AGTPBP1: variants seen among roughly 807,000 people sequenced by gnomAD.
AGTPBP1 encodes the protein cytosolic carboxypeptidase 1.
A neutral mutation model predicts 143.9 loss-of-function variants in AGTPBP1; 70 were observed. The observed-to-expected ratio is 0.49, with a 90% confidence interval of 0.40 to 0.59. AGTPBP1 has a LOEUF of 0.59. AGTPBP1 is among the 20% of genes least tolerant of loss of function. The pLI is 0.00. For missense variants in AGTPBP1, 1,229 were observed against 1,464.5 expected, an observed-to-expected ratio of 0.84 and a Z score of 2.62; for synonymous variants, 463 against 500.2, an observed-to-expected ratio of 0.93 and a Z score of 0.99.
chr9:85,764,694 G>A, the AGTPBP1 span: 1 of 1,016,134 alleles, frequency 9.8e-7, no homozygotes, highest in Non-Finnish European at 1.6e-6. Flanking sequence ...TGTCTGGTGG[G>A]TTGTATCTTT....
intron 9 of AGTPBP1, among the ~76,000 whole-genome samples, chr9:85,659,067 C>G (rs2113737): frequency 6.6e-6 from 1 of 151,682 alleles, no homozygotes; most frequent in Non-Finnish European, 1.5e-5. Flanking sequence ...TCCCAATAGC[C>G]TAAATGGAAT....
chr9:85,652,200 T>C (rs1833205025), intron 11 of AGTPBP1, among the ~76,000 whole-genome samples: 1 of 152,076 alleles, frequency 6.6e-6, no homozygotes, highest in African/African-American at 2.4e-5. Context: ...ATAAAAACCC[T>C]AAACAATGGT....
chr9:85,601,217 C>T (rs554530080), intron 17 of AGTPBP1, among the ~76,000 whole-genome samples: 6 of 152,196 alleles, frequency 3.9e-5, no homozygotes, highest in Non-Finnish European at 7.4e-5. Context: ...CATTTGCAAG[C>T]GCCCTGGGGG....
At chr9:85,737,177 TTAA>T (rs1340854640) in intron 1 of AGTPBP1, among the ~76,000 whole-genome samples, 7 of 152,206 alleles carry the variant, frequency 4.6e-5, no homozygotes, top group Admixed American at 4.6e-4. Flanking sequence ...GTAAAAATTA[TTAA>T]TTTTTATGCA....
chr9:85,697,201 T>C lies in AGTPBP1; in HGVS notation c.33-4388A>G, dbSNP rs189107202. Among the ~76,000 whole-genome samples the C allele has an allele frequency of 4.7e-3, 721 of 152,288 alleles. 1 individual carries two copies. The highest frequency in any genetic ancestry group is 0.014 in the Middle Eastern group (4 of 294). On this transcript the variant is annotated intron_variant, in intron 2 of 25. Transcript: ENST00000357081. ...ACACACAAAAAAATGTATGTGTATA[T>C]ATATTTACACATAACATGTAAACTC...
chr9:85,594,123 C>T (rs1380680410), intron 18 of AGTPBP1, among the ~76,000 whole-genome samples: 1 of 152,146 alleles, frequency 6.6e-6, no homozygotes, highest in Non-Finnish European at 1.5e-5. Flanking sequence ...AAAAGTTTAA[C>T]ATTTAATTGG....
Position 85,679,840 on chromosome 9 carries a change from T to C in AGTPBP1, c.225+1428A>G, listed in dbSNP as rs1017535352. Among the ~76,000 whole-genome samples, 4 of 152,348 alleles carry C rather than the reference T, an allele frequency of 2.6e-5. No homozygotes were observed. In the South Asian group the frequency reaches 8.3e-4, roughly 32 times the overall value. ...TATAGTTGAATCTATCAATCTTTTATAGTTTCTATTTCTTCATACTTAAAA... is the reference window on the plus strand; with the variant it reads ...TATAGTTGAATCTATCAATCTTTTACAGTTTCTATTTCTTCATACTTAAAA... On this transcript the variant is annotated intron_variant, in intron 4 of 25. Transcript: ENST00000357081.
At chr9:85,656,481 T>C (rs1375364746) in intron 10 of AGTPBP1, among the ~76,000 whole-genome samples, 1 of 152,128 alleles carries the variant, frequency 6.6e-6, no homozygotes, top group Non-Finnish European at 1.5e-5. Context: ...TGTTCAGATA[T>C]CTCAACTCTT....
chr9:85,777,657 C>T, the AGTPBP1 span, among the ~76,000 whole-genome samples: 1 of 152,226 alleles, frequency 6.6e-6, no homozygotes, highest in Non-Finnish European at 1.5e-5. Context: ...ACTTGGGATA[C>T]AAATATCTTC....
Position 85,599,632 on chromosome 9 carries a change from T to C in AGTPBP1, c.2336-3183A>G, listed in dbSNP as rs118021193. ...AACACGTTTTATAAGTTCCAATACT[T>C]CTATCTTGAGACCTTTTACTCATTT... On this transcript the variant is annotated intron_variant, in intron 17 of 25. Coordinates refer to ENST00000357081, the MANE Select transcript of AGTPBP1 (RefSeq NM_001330701.2). Among the ~76,000 whole-genome samples the C allele has an allele frequency of 7.7e-3, 1,180 of 152,354 alleles. 7 individuals carry two copies. The highest frequency in any genetic ancestry group is 0.044 in the Middle Eastern group (13 of 294).
intron 8 of AGTPBP1, among the ~76,000 whole-genome samples, chr9:85,665,785 T>C (rs1449449045): frequency 8.5e-5 from 13 of 152,232 alleles, no homozygotes; most frequent in Non-Finnish European, 1.3e-4. Flanking sequence ...GCAACACCCA[T>C]TGTGTATGTT....
chr9:85,563,520 A>G (rs1245575923), intron 25 of AGTPBP1, among the ~76,000 whole-genome samples: 1 of 152,182 alleles, frequency 6.6e-6, no homozygotes, highest in African/African-American at 2.4e-5. Context: ...GCTTCTCTTG[A>G]TTGCTTATAG....
chr9:85,711,982 G>A (rs1379729947), intron 2 of AGTPBP1, among the ~76,000 whole-genome samples: 4 of 151,928 alleles, frequency 2.6e-5, no homozygotes, highest in South Asian at 2.1e-4. Context: ...TGTAAAAACC[G>A]GCCGGGCATG....
At position 85,584,083 on chromosome 9, in the gene AGTPBP1, C is replaced by CTCT. The variant is rs375561874; in HGVS notation, c.3165+1377_3165+1379dup. Among the ~76,000 whole-genome samples, 45 of 152,126 alleles carry CTCT rather than the reference C, an allele frequency of 3.0e-4. 1 individual carries two copies. The highest frequency in any genetic ancestry group is 1.1e-3 in the African/African-American group (44 of 41,484). Reference sequence around the variant, plus strand: ...GCCTAGGGAAGGCTCTGTGCATATGCTCTTCATCTAGCTTTCTCCCATTCT... The same window carrying CTCT: ...GCCTAGGGAAGGCTCTGTGCATATGCTCTTCTTCATCTAGCTTTCTCCCATTCT... On this transcript the variant is annotated intron_variant, in intron 23 of 25. Coordinates refer to ENST00000357081, the MANE Select transcript of AGTPBP1 (RefSeq NM_001330701.2).
chr9:85,625,036 T>A (rs1177825768), intron 14 of AGTPBP1, among the ~76,000 whole-genome samples: 1 of 152,232 alleles, frequency 6.6e-6, no homozygotes, highest in Non-Finnish European at 1.5e-5. Flanking sequence ...CCTTGACAAA[T>A]AGGCACTTGA....
At chr9:85,547,779 C>A (rs1440581434) in intron 25 of AGTPBP1, among the ~76,000 whole-genome samples, 1 of 152,164 alleles carries the variant, frequency 6.6e-6, no homozygotes, top group Non-Finnish European at 1.5e-5. Flanking sequence ...ACCCACCCCA[C>A]CAGTTTCCGT....
intron 2 of AGTPBP1, among the ~76,000 whole-genome samples, chr9:85,711,650 G>A (rs1837379114): frequency 6.6e-6 from 1 of 151,952 alleles, no homozygotes; most frequent in Admixed American, 6.6e-5. Flanking sequence ...ATGTTGGCCA[G>A]ACTGGTCTCG....
In AGTPBP1 at chr9:85,692,954, T is replaced by C. The variant is rs1835978105; in HGVS notation, c.33-141A>G. 2.3e-5 allele frequency: 17 copies of C among 746,112 alleles called. No homozygotes were observed. In the South Asian group the frequency reaches 3.5e-4, roughly 15 times the overall value. 46.2% of individuals were successfully genotyped at this position (746,112 alleles called of 1,614,324 possible). A position where few individuals can be genotyped will look rare whatever the true frequency, so the allele number is the denominator to read the frequency against. ...CGTCGCACTTCCTTACTCTGTTCTA[T>C]AGCTTAATATAGCTTAATATTGTTC... On this transcript the variant is annotated intron_variant, in intron 2 of 25. Transcript: ENST00000357081.
chr9:85,742,361 C>T (rs771221621), upstream of AGTPBP1, among the ~76,000 whole-genome samples: 17 of 152,086 alleles, frequency 1.1e-4, no homozygotes, highest in Non-Finnish European at 2.1e-4. Flanking sequence ...CGCCCACCCC[C>T]TCCCCCGCCA....
Sources: allele counts gnomAD v4.1 joint callset (sites outside exome capture counted in the v4.1 genomes callset), GRCh38; gene constraint gnomAD v4.1.1; transcripts MANE v1.5; gene names NCBI Gene and HGNC (gene_info 2026-07-23, HGNC 2026-07-21).